Variants in PDZD2 observed in about 807,000 individuals in gnomAD.
PDZD2 encodes PDZ domain containing 2, also known as PDZ domain-containing protein 2.
PDZD2 carries 90 observed loss-of-function variants against 220.7 expected under a neutral mutation model. That is an observed-to-expected ratio of 0.41 (90% CI 0.34 to 0.49). PDZD2 has a LOEUF of 0.49. PDZD2 is among the 20% of genes least tolerant of loss of function. The pLI is 0.28. For synonymous variants in PDZD2, 1,375 were observed against 1,450.5 expected, an observed-to-expected ratio of 0.95 and a Z score of 1.18; for missense variants, 3,174 against 3,608.5, an observed-to-expected ratio of 0.88 and a Z score of 3.08.
intron 24 of PDZD2, among the ~76,000 whole-genome samples, chr5:32,104,716 TAAAAAAAAAAAAAA>T (rs755177769): frequency 0.015 from 459 of 30,128 alleles, 8 homozygotes; most frequent in South Asian, 0.085. Flanking sequence ...AGGCTCCATC[TAAAAAAAAAAAAAA>T]AAAAAAAAAA....
chr5:31,911,308 A>G (rs1743182561), intron 2 of PDZD2, among the ~76,000 whole-genome samples: 2 of 152,226 alleles, frequency 1.3e-5, no homozygotes, highest in South Asian at 4.1e-4. Context: ...AGTTTTGTAG[A>G]TGAATCAATT....
In PDZD2 at chr5:32,014,091, C is replaced by G. The variant is rs906081251; in HGVS notation, c.1407+3609C>G. 2.6e-5 allele frequency among the ~76,000 whole-genome samples: 4 copies of G among 152,278 alleles called. No individual in the cohort carries two copies. In the East Asian group the frequency reaches 7.7e-4, roughly 29 times the overall value. ...AGTTATATGTTCACAATCTATGATTCTTTGTTTCAGCGTTTTTAAAAATGA... is the reference window on the plus strand; with the variant it reads ...AGTTATATGTTCACAATCTATGATTGTTTGTTTCAGCGTTTTTAAAAATGA... On this transcript the variant is annotated intron_variant, in intron 6 of 24. Coordinates refer to ENST00000438447, the MANE Select transcript of PDZD2 (RefSeq NM_178140.4).
intron 1 of PDZD2, among the ~76,000 whole-genome samples, chr5:31,716,126 A>G (rs1364223280): frequency 6.6e-6 from 1 of 152,132 alleles, no homozygotes; most frequent in Non-Finnish European, 1.5e-5. Context: ...CTTCCATTCA[A>G]TTTCAACATA....
At chr5:31,714,477 A>G (rs1431411494) in intron 1 of PDZD2, among the ~76,000 whole-genome samples, 5 of 152,140 alleles carry the variant, frequency 3.3e-5, no homozygotes, top group Non-Finnish European at 7.4e-5. Flanking sequence ...GAGGTAGGAG[A>G]AACTTTTGGA....
At chr5:31,815,436 A>G (rs1477351045) in intron 2 of PDZD2, among the ~76,000 whole-genome samples, 1 of 152,038 alleles carries the variant, frequency 6.6e-6, no homozygotes, top group African/African-American at 2.4e-5. Flanking sequence ...TGTCAAAGAG[A>G]TATATTTTGG....
At chr5:31,651,543 T>C (rs1745349141) in intron 1 of PDZD2, among the ~76,000 whole-genome samples, 1 of 152,220 alleles carries the variant, frequency 6.6e-6, no homozygotes, top group South Asian at 2.1e-4. Context: ...AGTTCTCATT[T>C]GTTGGAGCAA....
At chr5:31,770,726 C>T (rs1383034181) in intron 1 of PDZD2, among the ~76,000 whole-genome samples, 1 of 152,086 alleles carries the variant, frequency 6.6e-6, no homozygotes, top group Non-Finnish European at 1.5e-5. Context: ...GAGAGCTCTA[C>T]ACACTGGGGT....
At chr5:32,104,211 T>C (rs1161848190) in intron 24 of PDZD2, among the ~76,000 whole-genome samples, 2 of 152,142 alleles carry the variant, frequency 1.3e-5, no homozygotes, top group Non-Finnish European at 2.9e-5. Flanking sequence ...ATTCACCTTA[T>C]CTCGTATTTC....
intron 2 of PDZD2, among the ~76,000 whole-genome samples, chr5:31,971,468 G>A (rs1749292981): frequency 6.6e-6 from 1 of 152,132 alleles, no homozygotes; most frequent in South Asian, 2.1e-4. Flanking sequence ...TGGGATTTAA[G>A]TTCCAACACT....
chr5:31,649,484 T>G (rs1745260216), intron 1 of PDZD2, among the ~76,000 whole-genome samples: 3 of 152,006 alleles, frequency 2.0e-5, no homozygotes, highest in Admixed American at 2.0e-4. Flanking sequence ...ACATGACTCC[T>G]GTTTGAAATA....
intron 7 of PDZD2, among the ~76,000 whole-genome samples, chr5:32,044,754 C>T (rs770922873): frequency 9.2e-5 from 14 of 152,172 alleles, no homozygotes; most frequent in Admixed American, 2.0e-4. Flanking sequence ...TAAAACTTCA[C>T]GTGATATTTA....
At chr5:31,699,075 C>T (rs1473877391) in intron 1 of PDZD2, among the ~76,000 whole-genome samples, 1 of 152,164 alleles carries the variant, frequency 6.6e-6, no homozygotes, top group African/African-American at 2.4e-5. Context: ...TTGTAATACG[C>T]TGCAAGCCCT....
At chr5:31,969,851 G>A (rs1007156572) in intron 2 of PDZD2, among the ~76,000 whole-genome samples, 4 of 151,748 alleles carry the variant, frequency 2.6e-5, no homozygotes, top group Non-Finnish European at 5.9e-5. Flanking sequence ...TTGTGGTGCC[G>A]CCACTGTGCT....
At chr5:31,707,864 G>T (rs1185014753) in intron 1 of PDZD2, among the ~76,000 whole-genome samples, 1 of 152,192 alleles carries the variant, frequency 6.6e-6, no homozygotes, top group African/African-American at 2.4e-5. Flanking sequence ...CTGGCCTCAA[G>T]TGATCCTTCC....
intron 1 of PDZD2, among the ~76,000 whole-genome samples, chr5:31,702,588 ATCT>A (rs1285171395): frequency 1.3e-5 from 2 of 152,150 alleles, no homozygotes; most frequent in African/African-American, 4.8e-5. Flanking sequence ...TGCCCTACTG[ATCT>A]TCTCTCTTTT....
chr5:31,745,883 G>A (rs940708641), intron 1 of PDZD2, among the ~76,000 whole-genome samples: 4 of 150,262 alleles, frequency 2.7e-5, no homozygotes, highest in Non-Finnish European at 5.9e-5. Flanking sequence ...AATTTCAGCA[G>A]AATTGGTCTG....
chr5:32,000,077 T>C lies in PDZD2; in HGVS notation c.1122-62T>C, dbSNP rs1751978521. 6.6e-7 allele frequency: 1 copy of C among 1,505,062 alleles called. No individual in the cohort carries two copies. The highest frequency in any genetic ancestry group is 1.8e-5 in the Admixed American group (1 of 56,938). 93.2% of individuals were successfully genotyped at this position (1,505,062 alleles called of 1,614,324 possible). A position where few individuals can be genotyped will look rare whatever the true frequency, so the allele number is the denominator to read the frequency against. On this transcript the variant is annotated intron_variant, in intron 4 of 24. Coordinates refer to ENST00000438447, the MANE Select transcript of PDZD2 (RefSeq NM_178140.4). The surrounding 1 kb of genome is among the most constrained non-coding windows in gnomAD (Gnocchi z 4.5). ...CACAACCCTCCCTAGCTCCAGAAAATGGCCCTTCTCAGGCCCAGAATGTCT... is the reference window on the plus strand; with the variant it reads ...CACAACCCTCCCTAGCTCCAGAAAACGGCCCTTCTCAGGCCCAGAATGTCT...
intron 7 of PDZD2, among the ~76,000 whole-genome samples, chr5:32,038,724 T>C (rs1437213329): frequency 6.6e-6 from 1 of 151,934 alleles, no homozygotes; most frequent in Non-Finnish European, 1.5e-5. Context: ...CAGCCGTGGC[T>C]CCCCCTACAA....
At chr5:31,678,260 C>A (rs771511695) in intron 1 of PDZD2, among the ~76,000 whole-genome samples, 31 of 152,174 alleles carry the variant, frequency 2.0e-4, no homozygotes, top group Non-Finnish European at 4.1e-4. Flanking sequence ...TGCAGTGCAT[C>A]CGCCAAGGAC....
Sources: allele counts gnomAD v4.1 joint callset (sites outside exome capture counted in the v4.1 genomes callset), GRCh38; gene constraint gnomAD v4.1.1; non-coding constraint Gnocchi (gnomAD v3.1); transcripts MANE v1.5; gene names NCBI Gene and HGNC (gene_info 2026-07-23, HGNC 2026-07-21).